The following TBXAS1 variants were observed in gnomAD, a reference collection of about 807,000 sequenced individuals.
TBXAS1 encodes thromboxane A synthase 1, also known as thromboxane-A synthase.
Under a neutral mutation model 60.7 loss-of-function variants are expected in TBXAS1, and 48 were observed. The ratio of observed to expected loss-of-function variants is 0.79; its 90% CI spans 0.63 to 1.01. TBXAS1 has a LOEUF of 1.01. Among genes scored for constraint, TBXAS1 ranks in the 50% least tolerant of loss-of-function variants. TBXAS1 has a pLI of 0.00. For synonymous variants in TBXAS1, 287 were observed against 269.7 expected, an observed-to-expected ratio of 1.06 and a Z score of -0.63; for missense variants, 685 against 686.3, an observed-to-expected ratio of 1.00 and a Z score of 0.02.
intron 4 of TBXAS1, among the ~76,000 whole-genome samples, chr7:139,809,229 TA>T (rs1231807850): frequency 0.075 from 8,650 of 114,786 alleles, 316 homozygotes; most frequent in Non-Finnish European, 0.092. Flanking sequence ...GATAGATAGA[TA>T]GATGATAGAT....
chr7:139,795,703 G>A (rs1797547425), intron 4 of TBXAS1, among the ~76,000 whole-genome samples: 1 of 151,828 alleles, frequency 6.6e-6, no homozygotes, highest in Non-Finnish European at 1.5e-5. Context: ...TAAGGTGTAA[G>A]GAAGGGATCC....
chr7:140,011,390 A>G lies in TBXAS1; in HGVS notation c.1226+4208A>G, dbSNP rs10269396. Among the ~76,000 whole-genome samples, 864 of 108,786 alleles carry G rather than the reference A, an allele frequency of 7.9e-3. 17 individuals are homozygous for G. Among genetic ancestry groups the G allele is most frequent in the African/African-American group, 0.022 (821 of 37,920 alleles). The allele number at this position is 108,786 out of a possible 152,430, so 71.4% of individuals were successfully genotyped here. On this transcript the variant is annotated intron_variant, in intron 10 of 12. Transcript: ENST00000448866. The stretch of plus-strand genomic sequence containing the variant: ...TCTCCATCCCAATCCCATCCCCTAG[A>G]GAAGAGAAAGATAGAAATTTAAGTA...
chr7:139,818,037 C>T (rs767340191), intron 4 of TBXAS1, among the ~76,000 whole-genome samples: 6 of 152,216 alleles, frequency 3.9e-5, no homozygotes, highest in South Asian at 2.1e-4. Flanking sequence ...TTCTCCCAGT[C>T]ACTGGGGATA....
At chr7:139,955,257 T>G (rs1349499721) in intron 6 of TBXAS1, among the ~76,000 whole-genome samples, 1 of 152,128 alleles carries the variant, frequency 6.6e-6, no homozygotes, top group African/African-American at 2.4e-5. Context: ...TCCCACCCTC[T>G]GCCGTCACTG....
chr7:139,792,282 T>G (rs1797411964), intron 4 of TBXAS1, among the ~76,000 whole-genome samples: 1 of 152,208 alleles, frequency 6.6e-6, no homozygotes, highest in Non-Finnish European at 1.5e-5. Flanking sequence ...TTGAGTAAAC[T>G]GGTAAAATAG....
In TBXAS1 at chr7:139,957,769, C is replaced by A; in HGVS notation, c.819+5C>A. 1 of 1,613,882 alleles carries A rather than the reference C, an allele frequency of 6.2e-7. No individual in the cohort carries two copies. The highest frequency in any genetic ancestry group is 1.3e-5 in the African/African-American group (1 of 74,964). ...GACCAGCAAGCTGCCGAAGAGGTAA[C>A]GTATTTTAATAGGACACAGCCTTGA... On this transcript the variant is annotated splice_donor_5th_base_variant and intron_variant, in intron 8 of 12. Transcript: ENST00000448866.
At chr7:139,993,289 G>A (rs561977562) in intron 9 of TBXAS1, among the ~76,000 whole-genome samples, 1 of 152,300 alleles carries the variant, frequency 6.6e-6, no homozygotes, top group Non-Finnish European at 1.5e-5. Flanking sequence ...ATATGATCAT[G>A]TTGGGGAATA....
At chr7:139,812,645 T>C (rs1798045836) in intron 4 of TBXAS1, among the ~76,000 whole-genome samples, 1 of 152,234 alleles carries the variant, frequency 6.6e-6, no homozygotes, top group African/African-American at 2.4e-5. Context: ...TATTCATTTC[T>C]CCACATTCCT....
At chr7:139,792,391 G>GGTC (rs1797415808) in intron 4 of TBXAS1, among the ~76,000 whole-genome samples, 1 of 152,086 alleles carries the variant, frequency 6.6e-6, no homozygotes, top group Admixed American at 6.5e-5. Flanking sequence ...CTTCACCCAT[G>GGTC]GTCGGCTTGG....
At chr7:139,841,571 T>C (rs951557871) in intron 1 of TBXAS1, among the ~76,000 whole-genome samples, 1 of 152,028 alleles carries the variant, frequency 6.6e-6, no homozygotes, top group East Asian at 1.9e-4. Context: ...GGAGATAAAA[T>C]TGAGCCTGCT....
intron 9 of TBXAS1, among the ~76,000 whole-genome samples, chr7:139,987,450 T>C (rs1465764282): frequency 6.6e-6 from 1 of 152,192 alleles, no homozygotes; most frequent in African/African-American, 2.4e-5. Context: ...CCGACAGCTC[T>C]GTTCCCCTGG....
chr7:139,825,414 T>C (rs1798411998), upstream of TBXAS1, among the ~76,000 whole-genome samples: 1 of 152,158 alleles, frequency 6.6e-6, no homozygotes, highest in Non-Finnish European at 1.5e-5. Flanking sequence ...ACAGAATGGG[T>C]GTGGTAACGT....
rs1814977997 is a variant in TBXAS1 at position 140,015,738 on chromosome 7, A to C, written c.1242A>C (p.Ala414=). 1 of 1,613,464 alleles carries C rather than the reference A, an allele frequency of 6.2e-7. No homozygotes were observed. Among genetic ancestry groups the C allele is most frequent in the Non-Finnish European group, 8.5e-7 (1 of 1,180,018 alleles). Residue 414 remains alanine (A), a synonymous_variant, in exon 11 of 13, where the codon GCA becomes GCC. Transcript: ENST00000448866. ...YPPAFRFTRE[A]AQDCEVLGQR... ...TTTCCCTCAGATTCACACGGGAGGC[A>C]GCTCAGGACTGCGAGGTGCTGGGGC...
chr7:139,895,097 C>G (rs1803985013), intron 3 of TBXAS1, among the ~76,000 whole-genome samples: 1 of 152,062 alleles, frequency 6.6e-6, no homozygotes, highest in Non-Finnish European at 1.5e-5. Flanking sequence ...AATCATGGAC[C>G]AGTGAAGGCA....
intron 3 of TBXAS1, among the ~76,000 whole-genome samples, chr7:139,897,056 A>C (rs528539881): frequency 6.6e-6 from 1 of 152,312 alleles, no homozygotes; most frequent in Non-Finnish European, 1.5e-5. Flanking sequence ...AATACAGCAC[A>C]CTGCGTTGAC....
At chr7:139,989,578 C>T (rs7785584) in intron 9 of TBXAS1, among the ~76,000 whole-genome samples, 109,518 of 152,180 alleles carry the variant, frequency 0.72, 39,805 homozygotes, top group East Asian at 0.92. Context: ...GGGAGGACCC[C>T]TGTGGTCTTT....
At chr7:139,823,905 C>T (rs1798368273) in intron 4 of TBXAS1, among the ~76,000 whole-genome samples, 1 of 152,158 alleles carries the variant, frequency 6.6e-6, no homozygotes, top group African/African-American at 2.4e-5. Flanking sequence ...TGAGGAAGCT[C>T]CATTGTCCCT....
At chr7:139,847,864 C>T (rs1799921425) in intron 1 of TBXAS1, among the ~76,000 whole-genome samples, 1 of 152,198 alleles carries the variant, frequency 6.6e-6, no homozygotes, top group South Asian at 2.1e-4. Flanking sequence ...CTCTGTCACC[C>T]ATGCTGAAGT....
rs1190480879 is a variant in TBXAS1 at position 140,016,006 on chromosome 7, G to C, written c.1364+146G>C. On this transcript the variant is annotated intron_variant, in intron 11 of 12. Transcript: ENST00000448866. ...GTTATGGCAATTCAGATAGATGTTTGCAAGACATAATTTCCAAAGGAAATA... is the reference window on the plus strand; with the variant it reads ...GTTATGGCAATTCAGATAGATGTTTCCAAGACATAATTTCCAAAGGAAATA... The C allele has an allele frequency of 2.5e-6, 3 of 1,200,312 alleles. No individual in the cohort carries two copies. The Admixed American group carries it at 5.8e-5, about 23-fold the overall frequency. The allele number at this position is 1,200,312 out of a possible 1,614,324, so 74.4% of individuals were successfully genotyped here.
Sources: gnomAD v4.1 joint callset for allele counts (sites outside exome capture counted in the v4.1 genomes callset) on GRCh38, gnomAD v4.1.1 for gene constraint, MANE v1.5 for transcripts, NCBI Gene and HGNC (gene_info 2026-07-23, HGNC 2026-07-21) for gene names.